The following DNMT3A variants were observed in gnomAD, a reference collection of about 807,000 sequenced individuals.
DNMT3A encodes the protein DNA methyltransferase 3 alpha.
DNMT3A carries 267 observed loss-of-function variants against 117.6 expected under a neutral mutation model. That is an observed-to-expected ratio of 2.27 (90% CI 2.05 to 2.51). The LOEUF is 2.51. Ranked by LOEUF, DNMT3A falls within the 30% of genes most tolerant of loss-of-function variation. The probability of loss-of-function intolerance (pLI) is 0.00; values close to 1 mark genes in which losing one functional copy is unlikely to be tolerated. For missense variants in DNMT3A, 1,029 were observed against 1,260.2 expected, an observed-to-expected ratio of 0.82 and a Z score of 2.78; for synonymous variants, 432 against 474.8, an observed-to-expected ratio of 0.91 and a Z score of 1.17.
intron 6 of DNMT3A, among the ~76,000 whole-genome samples, chr2:25,272,356 T>C (rs1032383031): frequency 6.6e-6 from 1 of 152,256 alleles, no homozygotes; most frequent in Non-Finnish European, 1.5e-5. Context: ...TAATTTTTCC[T>C]GGGAGTTGAG....
In DNMT3A at chr2:25,252,091, G is replaced by T; in HGVS notation, c.640-3839C>A. ...GCCGCGGCTGCTGCGGGCCGGGGAG[G>T]CATACTTCACTCTTTTCAAACCCGG... On this transcript the variant is annotated intron_variant, in intron 6 of 22. Transcript: ENST00000321117. The surrounding 1 kb of genome is among the most constrained non-coding windows in gnomAD (Gnocchi z 5.5). 7.0e-7 allele frequency: 1 copy of T among 1,430,728 alleles called. No homozygotes were observed. The highest frequency in any genetic ancestry group is 9.5e-7 in the Non-Finnish European group (1 of 1,054,494). 88.6% of individuals were successfully genotyped at this position (1,430,728 alleles called of 1,614,324 possible). A position where few individuals can be genotyped will look rare whatever the true frequency, so the allele number is the denominator to read the frequency against.
At chr2:25,315,013 C>T (rs1352367088) in intron 1 of DNMT3A, among the ~76,000 whole-genome samples, 1 of 152,192 alleles carries the variant, frequency 6.6e-6, no homozygotes, top group Non-Finnish European at 1.5e-5. Context: ...ACAAGAGCTC[C>T]CCTGCTCCCC....
chr2:25,313,318 A>G (rs1179793112), intron 2 of DNMT3A, among the ~76,000 whole-genome samples: 1 of 145,548 alleles, frequency 6.9e-6, no homozygotes, highest in Non-Finnish European at 1.5e-5. Flanking sequence ...GCCAAAAGCC[A>G]TACCAAAGAT....
chr2:25,255,001 A>G (rs1675993928), intron 6 of DNMT3A, among the ~76,000 whole-genome samples: 1 of 151,974 alleles, frequency 6.6e-6, no homozygotes, highest in South Asian at 2.1e-4. Context: ...GTCAAATCCT[A>G]CCTCTTCCAC....
At chr2:25,310,475 G>A (rs1386243472) in intron 2 of DNMT3A, among the ~76,000 whole-genome samples, 1 of 152,082 alleles carries the variant, frequency 6.6e-6, no homozygotes, top group Non-Finnish European at 1.5e-5. Flanking sequence ...TGGATGGCGG[G>A]TAGGGCAGGC....
At chr2:25,249,692 G>T (rs773719367) in intron 6 of DNMT3A, 13 of 1,613,988 alleles carry the variant, frequency 8.1e-6, no homozygotes, top group Non-Finnish European at 9.3e-6. Flanking sequence ...CGATCCACGC[G>T]CCCATTCCTT....
chr2:25,342,252 G>C (rs1261356854), upstream of DNMT3A, among the ~76,000 whole-genome samples: 8 of 148,230 alleles, frequency 5.4e-5, no homozygotes, highest in African/African-American at 1.7e-4. This position sits in a 1 kb window ranked among gnomAD's most constrained non-coding sequence, Gnocchi z 5.9. Context: ...CGGCCTCTGC[G>C]GCCCCGCCGG....
chr2:25,289,650 C>T (rs1010415550), intron 3 of DNMT3A, among the ~76,000 whole-genome samples: 2 of 152,184 alleles, frequency 1.3e-5, no homozygotes, highest in Non-Finnish European at 2.9e-5. Flanking sequence ...CTCAGAAAAG[C>T]GCAAGCTCAC....
At chr2:25,242,311 C>T (rs1674173646) in intron 16 of DNMT3A, among the ~76,000 whole-genome samples, 1 of 152,084 alleles carries the variant, frequency 6.6e-6, no homozygotes, top group Admixed American at 6.5e-5. Flanking sequence ...CCGAGCTAAC[C>T]ACACAGATTT....
At chr2:25,249,573 C>T in intron 6 of DNMT3A, 1 of 1,467,620 alleles carries the variant, frequency 6.8e-7, no homozygotes, top group Non-Finnish European at 9.6e-7. Context: ...CACTATAGAC[C>T]AGGCGTGCTC....
intron 6 of DNMT3A, among the ~76,000 whole-genome samples, chr2:25,249,880 A>G (rs528752642): frequency 1.3e-5 from 2 of 152,272 alleles, no homozygotes; most frequent in Admixed American, 1.3e-4. Context: ...CATGCCTTTC[A>G]AAAGAGCTCC....
At chr2:25,261,540 G>C (rs1676610668) in intron 6 of DNMT3A, among the ~76,000 whole-genome samples, 2 of 150,382 alleles carry the variant, frequency 1.3e-5, no homozygotes, top group Non-Finnish European at 3.0e-5. Flanking sequence ...CCAGGAGGCG[G>C]AGGTTGAAGT....
At chr2:25,288,490 TTAG>T (rs2032495292) in intron 3 of DNMT3A, among the ~76,000 whole-genome samples, 2 of 151,874 alleles carry the variant, frequency 1.3e-5, no homozygotes, top group Admixed American at 6.6e-5. Flanking sequence ...TTTTGTATTT[TTAG>T]TAGAGATGGG....
intron 6 of DNMT3A, among the ~76,000 whole-genome samples, chr2:25,259,069 C>A (rs1676395051): frequency 6.6e-6 from 1 of 152,256 alleles, no homozygotes; most frequent in African/African-American, 2.4e-5. Flanking sequence ...TCCCAGCCAA[C>A]CCTACACTTC....
chr2:25,282,107 G>T lies in DNMT3A; in HGVS notation c.448+334C>A. 1 of 1,145,990 alleles carries T rather than the reference G, an allele frequency of 8.7e-7. No homozygotes were observed. The highest frequency in any genetic ancestry group is 1.1e-6 in the Non-Finnish European group (1 of 895,652). 71.0% of individuals were successfully genotyped at this position (1,145,990 alleles called of 1,614,324 possible). A position where few individuals can be genotyped will look rare whatever the true frequency, so the allele number is the denominator to read the frequency against. ...CGATGGAGGGACCGCCATTATCCCA[G>T]TCTAGCAATCGTTGGCGTTATGAAA... On this transcript the variant is annotated intron_variant, in intron 4 of 22. Coordinates refer to ENST00000321117, the MANE Select transcript of DNMT3A (RefSeq NM_022552.5). The surrounding 1 kb of genome is among the most constrained non-coding windows in gnomAD (Gnocchi z 5.2).
chr2:25,292,207 AGGCATGGTG>A (rs2032810388), intron 3 of DNMT3A, among the ~76,000 whole-genome samples: 1 of 151,720 alleles, frequency 6.6e-6, no homozygotes, highest in Non-Finnish European at 1.5e-5. Flanking sequence ...AAAATTAGCC[AGGCATGGTG>A]GTGCACGCCT....
intron 1 of DNMT3A, among the ~76,000 whole-genome samples, chr2:25,319,017 C>CTTT: frequency 9.7e-6 from 1 of 103,302 alleles, no homozygotes; most frequent in African/African-American, 3.7e-5. Flanking sequence ...TTCTTTCTTT[C>CTTT]TTTTTTTTTT....
At chr2:25,263,124 G>A (rs1016292016) in intron 6 of DNMT3A, among the ~76,000 whole-genome samples, 2 of 152,028 alleles carry the variant, frequency 1.3e-5, no homozygotes, top group Admixed American at 6.6e-5. Flanking sequence ...TTTGTAGAGA[G>A]TGGGTCTGGC....
At chr2:25,238,998 G>C (rs934492415) in intron 20 of DNMT3A, 132 bp downstream of exon 20, 2 of 698,940 alleles carry the variant, frequency 2.9e-6, no homozygotes, top group African/African-American at 3.6e-5. Context: ...AGGAAATAAG[G>C]AACATGGCAG....
Sources: allele counts gnomAD v4.1 joint callset (sites outside exome capture counted in the v4.1 genomes callset), GRCh38; gene constraint gnomAD v4.1.1; non-coding constraint Gnocchi (gnomAD v3.1); transcripts MANE v1.5; gene names NCBI Gene and HGNC (gene_info 2026-07-23, HGNC 2026-07-21).